Variants in KCNK2 observed in about 807,000 individuals in gnomAD.
KCNK2 encodes potassium two pore domain channel subfamily K member 2, also known as potassium channel subfamily K member 2.
A neutral mutation model predicts 40.5 loss-of-function variants in KCNK2; 21 were observed. The ratio of observed to expected loss-of-function variants is 0.52; its 90% CI spans 0.37 to 0.75. The LOEUF (loss-of-function observed/expected upper bound fraction) is 0.75. Ranked by LOEUF, KCNK2 falls within the 30% of genes least tolerant of loss-of-function variation. The pLI is 0.00. For synonymous variants in KCNK2, 191 were observed against 202.2 expected (o/e 0.94, Z 0.47); for missense variants, 399 against 531.6 (o/e 0.75, Z 2.45).
In KCNK2 at chr1:215,172,170, T is replaced by G; in HGVS notation, c.810T>G (p.Gly270=). The part of the protein sequence containing the change: ...VVITLTTIGF[G]DYVAGGSDIE... The stretch of plus-strand genomic sequence containing the variant: ...TCACTCTAACAACTATTGGATTTGG[T>G]GACTACGTTGCAGGTAAGCTTTTCC... Residue 270 remains glycine, a synonymous_variant, in exon 5 of 7, where the codon GGT becomes GGG. Coordinates refer to ENST00000444842, the MANE Select transcript of KCNK2 (RefSeq NM_001017425.3). The G allele has an allele frequency of 6.2e-7, 1 of 1,612,722 alleles. No individual in the cohort carries two copies. The highest frequency in any genetic ancestry group is 8.5e-7 in the Non-Finnish European group (1 of 1,179,352).
intron 1 of KCNK2, among the ~76,000 whole-genome samples, chr1:215,054,684 G>A (rs1658098115): frequency 6.6e-6 from 1 of 152,136 alleles, no homozygotes; most frequent in Admixed American, 6.5e-5. Flanking sequence ...AAGTGATAAT[G>A]CAAACCATGT....
intron 2 of KCNK2, among the ~76,000 whole-genome samples, chr1:215,120,761 A>T (rs1490530882): frequency 6.6e-6 from 1 of 152,204 alleles, no homozygotes; most frequent in Non-Finnish European, 1.5e-5. Context: ...ACTAGATTAG[A>T]GTGTATGAAC....
intron 6 of KCNK2, among the ~76,000 whole-genome samples, chr1:215,233,790 T>C (rs1051135853): frequency 6.6e-6 from 1 of 152,192 alleles, no homozygotes; most frequent in Non-Finnish European, 1.5e-5. Flanking sequence ...GAGATTATTT[T>C]AAGCGACAGT....
chr1:215,100,242 G>A (rs372859742), intron 2 of KCNK2, among the ~76,000 whole-genome samples: 4 of 151,982 alleles, frequency 2.6e-5, no homozygotes, highest in Admixed American at 1.3e-4. Context: ...GTTCTCAACA[G>A]GGTAACAGTG....
At chr1:215,203,401 T>G (rs1359762486) in intron 6 of KCNK2, among the ~76,000 whole-genome samples, 5 of 152,172 alleles carry the variant, frequency 3.3e-5, no homozygotes, top group Non-Finnish European at 5.9e-5. Flanking sequence ...ATGAGTTTGC[T>G]GTGACGATGT....
At chr1:215,130,801 C>T (rs986486240) in intron 3 of KCNK2, among the ~76,000 whole-genome samples, 1 of 152,132 alleles carries the variant, frequency 6.6e-6, no homozygotes, top group Non-Finnish European at 1.5e-5. Context: ...ATATACTCCT[C>T]TCAGAATAAT....
chr1:215,161,212 C>G (rs574207716), intron 3 of KCNK2, among the ~76,000 whole-genome samples: 4 of 152,170 alleles, frequency 2.6e-5, no homozygotes, highest in Non-Finnish European at 4.4e-5. Flanking sequence ...TTAGCTTTAG[C>G]TTTCTTTTCT....
chr1:215,057,455 G>A (rs1362015500), intron 1 of KCNK2, among the ~76,000 whole-genome samples: 1 of 151,992 alleles, frequency 6.6e-6, no homozygotes, highest in African/African-American at 2.4e-5. Context: ...GACCCACATG[G>A]GTGACAGTGA....
intron 1 of KCNK2, among the ~76,000 whole-genome samples, chr1:215,042,820 A>T (rs1657613657): frequency 6.6e-6 from 1 of 152,066 alleles, no homozygotes; most frequent in Admixed American, 6.6e-5. Flanking sequence ...CCTCCAGAAA[A>T]TTTTTTGCAA....
chr1:215,108,820 G>A (rs1256714533), intron 2 of KCNK2, among the ~76,000 whole-genome samples: 2 of 135,040 alleles, frequency 1.5e-5, no homozygotes, highest in African/African-American at 5.5e-5. Flanking sequence ...GGGTGGGTGG[G>A]TGTGGATGTG....
chr1:215,083,216 G>GGCCCCCCCCC lies in KCNK2; in HGVS notation c.-170_-169insGCCCCCCCCC. The stretch of plus-strand genomic sequence containing the variant: ...CGCTCCCCCCCCCGCCCCCTCCCGC[G>GGCCCCCCCCC]TCCAGCCCCGCTCTCCCCACCTTGT... On this transcript the variant is annotated 5_prime_UTR_variant, in exon 1 of 7. Coordinates refer to ENST00000444842, the MANE Select transcript of KCNK2 (RefSeq NM_001017425.3). The GGCCCCCCCCC allele has an allele frequency of 2.2e-6, 1 of 449,728 alleles. No homozygotes were observed. The highest frequency in any genetic ancestry group is 3.3e-6 in the Non-Finnish European group (1 of 299,232). 27.9% of individuals were successfully genotyped at this position (449,728 alleles called of 1,614,324 possible).
rs377403172 is a variant in KCNK2, at chr1:215,061,637, A to G, written c.35-24731A>G. Among the ~76,000 whole-genome samples, 155 of 152,298 alleles carry G rather than the reference A, an allele frequency of 1.0e-3. 5 individuals are homozygous for G. In the South Asian group the frequency reaches 0.031, roughly 31 times the overall value. ...TCTGTCAAGTATGCAAATTGTCTTGAGAATTGAAAGTTAATCAATTCACTA... is the reference window on the plus strand; with the variant it reads ...TCTGTCAAGTATGCAAATTGTCTTGGGAATTGAAAGTTAATCAATTCACTA... On this transcript the variant is annotated intron_variant, in intron 1 of 6. Coordinates refer to the KCNK2 transcript ENST00000391895.
intron 5 of KCNK2, among the ~76,000 whole-genome samples, chr1:215,181,476 ACAC>A (rs1315098631): frequency 4.6e-5 from 7 of 152,110 alleles, no homozygotes; most frequent in Admixed American, 4.6e-4. Context: ...TCATCTGGAG[ACAC>A]TGCCACTTCT....
chr1:215,235,074 A>G lies in KCNK2; in HGVS notation c.1210A>G (p.Ser404Gly), dbSNP rs763684186. Residue 404 changes from serine to glycine, a missense_variant, in exon 7 of 7, where the codon AGT (serine) becomes GGT (glycine). Ser to Gly is a moderately conservative substitution (Grantham distance 56). This residue lies in a region of KCNK2 where 103 missense variants were observed against 124.3 expected (regional missense o/e 0.83). Transcript: ENST00000444842. The stretch of plus-strand genomic sequence containing the variant: ...CTTGCCTCCCTTACTGAAGACTGAG[A>G]GTATCTATCTGAATGGTTTGACGCC... ...DVLPPLLKTE[S>G]IYLNGLTPHC... 2 of 1,613,320 alleles carry G rather than the reference A, an allele frequency of 1.2e-6. No homozygotes were observed. Among genetic ancestry groups the G allele is most frequent in the Non-Finnish European group, 8.5e-7 (1 of 1,179,372 alleles).
intron 6 of KCNK2, among the ~76,000 whole-genome samples, chr1:215,209,881 A>G (rs1364647932): frequency 6.3e-5 from 5 of 79,478 alleles, no homozygotes; most frequent in Non-Finnish European, 1.2e-4. Flanking sequence ...TGTACATATT[A>G]GTCAGACTAT....
At chr1:215,060,137 T>C (rs559341683) in intron 1 of KCNK2, among the ~76,000 whole-genome samples, 16 of 152,322 alleles carry the variant, frequency 1.1e-4, no homozygotes, top group Non-Finnish European at 2.1e-4. Context: ...GCCCTGGACC[T>C]GTAGACCTGG....
At chr1:215,025,811 A>T (rs890752751) in intron 1 of KCNK2, among the ~76,000 whole-genome samples, 16 of 152,200 alleles carry the variant, frequency 1.1e-4, no homozygotes, top group African/African-American at 3.4e-4. Context: ...GCTGCAATAA[A>T]CATCTGGATT....
At chr1:215,005,777 C>T (rs1016047248), upstream of KCNK2, 1 of 698,200 alleles carries the variant, frequency 1.4e-6, no homozygotes. Context: ...TACAGGGTAA[C>T]ATTCACACAC....
intron 5 of KCNK2, among the ~76,000 whole-genome samples, chr1:215,174,818 G>A (rs1015499568): frequency 6.6e-6 from 1 of 152,146 alleles, no homozygotes; most frequent in African/African-American, 2.4e-5. Context: ...CATTGATTTT[G>A]TATCCTGAGA....
Sources: gnomAD v4.1 joint callset for allele counts (sites outside exome capture counted in the v4.1 genomes callset) on GRCh38, gnomAD v4.1.1 for gene constraint, gnomAD v4.1.1 regional missense constraint, MANE v1.5 for transcripts, NCBI Gene and HGNC (gene_info 2026-07-23, HGNC 2026-07-21) for gene names.